The following AGBL1 variants were observed in gnomAD, a reference collection of about 807,000 sequenced individuals.
AGBL1 encodes the protein AGBL carboxypeptidase 1.
AGBL1 carries 130 observed loss-of-function variants against 118.9 expected under a neutral mutation model. That is an observed-to-expected ratio of 1.09 (90% confidence interval 0.95 to 1.26). AGBL1 has a LOEUF of 1.26. Ranked by LOEUF, AGBL1 falls within the 50% of genes most tolerant of loss-of-function variation. The pLI is 0.00. For missense variants in AGBL1, 1,584 were observed against 1,298.1 expected, an observed-to-expected ratio of 1.22 and a Z score of -3.38; for synonymous variants, 555 against 478.9, an observed-to-expected ratio of 1.16 and a Z score of -2.08.
intron 24 of AGBL1, among the ~76,000 whole-genome samples, chr15:87,011,016 T>A (rs2081554092): frequency 6.6e-6 from 1 of 152,268 alleles, no homozygotes; most frequent in African/African-American, 2.4e-5. Context: ...CATTTTTCTC[T>A]TCTTGTTAAG....
intron 24 of AGBL1, among the ~76,000 whole-genome samples, chr15:87,020,464 C>T (rs2081653473): frequency 6.6e-6 from 1 of 152,082 alleles, no homozygotes; most frequent in Non-Finnish European, 1.5e-5. Context: ...TCCTCTCTTA[C>T]CACTCCTATT....
chr15:86,645,867 C>T (rs1037775609), intron 21 of AGBL1, among the ~76,000 whole-genome samples: 2 of 152,100 alleles, frequency 1.3e-5, no homozygotes, highest in African/African-American at 4.8e-5. Flanking sequence ...GAATTCTGGG[C>T]CATGGAACAT....
At chr15:86,769,108 T>A (rs927051304) in intron 22 of AGBL1, among the ~76,000 whole-genome samples, 1 of 150,116 alleles carries the variant, frequency 6.7e-6, no homozygotes, top group South Asian at 2.1e-4. Context: ...GACCTGTACA[T>A]GCAATGGGAT....
chr15:86,450,275 A>T (rs576754113), intron 18 of AGBL1, among the ~76,000 whole-genome samples: 117 of 152,280 alleles, frequency 7.7e-4, no homozygotes, highest in African/African-American at 2.8e-3. Context: ...GGAGAGGTTT[A>T]TGTTTTTACT....
At chr15:86,755,100 C>T (rs541068163) in intron 22 of AGBL1, among the ~76,000 whole-genome samples, 341 of 152,122 alleles carry the variant, frequency 2.2e-3, no homozygotes, top group Admixed American at 2.9e-3. Flanking sequence ...GAAAATATTT[C>T]CACAATGTGA....
chr15:86,440,484 G>GAATCATAATAATAATAAT (rs1555486129), intron 18 of AGBL1, among the ~76,000 whole-genome samples: 3 of 144,504 alleles, frequency 2.1e-5, no homozygotes, highest in Non-Finnish European at 4.5e-5. Context: ...ATGGGATGGA[G>GAATCATAATAATAATAAT]AATAATAATA....
chr15:86,177,552 G>A (rs1011017244), intron 5 of AGBL1, among the ~76,000 whole-genome samples: 1 of 152,114 alleles, frequency 6.6e-6, no homozygotes, highest in African/African-American at 2.4e-5. Context: ...GAACCATAAA[G>A]CCAGTCACAA....
intron 1 of AGBL1, among the ~76,000 whole-genome samples, chr15:86,106,990 A>T (rs1163025041): frequency 1.3e-5 from 2 of 152,208 alleles, no homozygotes; most frequent in Non-Finnish European, 2.9e-5. Context: ...TTGTTGAACT[A>T]TATGAGTGAC....
In AGBL1 at chr15:86,701,638, TCCTCCCCTCC is replaced by T. The variant is rs373433979; in HGVS notation, c.3158+27212_3158+27221del. The stretch of plus-strand genomic sequence containing the variant: ...ATGGTAAAACATGTCTCCTCTCCTC[TCCTCCCCTCC>T]CCTCCCCTCTCCATTTTTTCCCTCC... On this transcript the variant is annotated intron_variant, in intron 22 of 22. Transcript: ENST00000614907. 5.5e-3 allele frequency among the ~76,000 whole-genome samples: 835 copies of T among 150,698 alleles called. 6 individuals are homozygous for T. Among genetic ancestry groups the T allele is most frequent in the African/African-American group, 0.019 (775 of 40,924 alleles).
intron 22 of AGBL1, among the ~76,000 whole-genome samples, chr15:86,728,829 G>A (rs12594812): frequency 0.012 from 1,849 of 152,062 alleles, 27 homozygotes; most frequent in East Asian, 0.068. Context: ...TAGATAAAAT[G>A]GGCCCATTCC....
intron 18 of AGBL1, among the ~76,000 whole-genome samples, chr15:86,398,971 C>T (rs879687281): frequency 2.0e-5 from 3 of 152,110 alleles, no homozygotes; most frequent in Non-Finnish European, 4.4e-5. Context: ...CTCCTCCCAG[C>T]TTAGCTGTTG....
intron 14 of AGBL1, among the ~76,000 whole-genome samples, chr15:86,270,396 C>CT (rs2079140637): frequency 1.3e-5 from 2 of 152,128 alleles, no homozygotes; most frequent in Admixed American, 6.6e-5. Flanking sequence ...CTTTGACCTG[C>CT]TTTTTTTCCT....
At chr15:86,723,059 C>G (rs1201014016) in intron 22 of AGBL1, among the ~76,000 whole-genome samples, 1 of 152,190 alleles carries the variant, frequency 6.6e-6, no homozygotes, top group East Asian at 1.9e-4. Flanking sequence ...GTTGGTGGGA[C>G]TGTAAACTAG....
chr15:86,711,476 C>T (rs146251757), intron 22 of AGBL1, among the ~76,000 whole-genome samples: 6 of 152,162 alleles, frequency 3.9e-5, no homozygotes, highest in African/African-American at 1.4e-4. Flanking sequence ...CATTTGTGTC[C>T]ATGCTTAGTC....
At chr15:86,650,289 T>C (rs1263063360) in intron 21 of AGBL1, among the ~76,000 whole-genome samples, 3 of 152,196 alleles carry the variant, frequency 2.0e-5, no homozygotes, top group Non-Finnish European at 4.4e-5. Context: ...GTGACCATCT[T>C]TGGCCAATCA....
chr15:86,809,136 T>C (rs1389744592), intron 22 of AGBL1, among the ~76,000 whole-genome samples: 1 of 152,176 alleles, frequency 6.6e-6, no homozygotes, highest in East Asian at 1.9e-4. Flanking sequence ...TTGCCTAAAG[T>C]CACCGGCTAG....
chr15:86,443,026 C>T (rs1249443623), intron 18 of AGBL1, among the ~76,000 whole-genome samples: 1 of 152,194 alleles, frequency 6.6e-6, no homozygotes, highest in Non-Finnish European at 1.5e-5. Context: ...ATCTCCTGTA[C>T]CAGCCTGTGC....
intron 23 of AGBL1, among the ~76,000 whole-genome samples, chr15:86,954,932 T>C (rs1296315596): frequency 6.6e-6 from 1 of 152,220 alleles, no homozygotes; most frequent in African/African-American, 2.4e-5. Flanking sequence ...ACATTAGTGG[T>C]TGCTTTAGAG....
intron 23 of AGBL1, among the ~76,000 whole-genome samples, chr15:86,921,731 CTG>C: frequency 1.3e-5 from 2 of 152,294 alleles, no homozygotes; most frequent in South Asian, 4.1e-4. Flanking sequence ...ATCAGACTGT[CTG>C]TGGCCAAGGC....
Sources: gnomAD v4.1 joint callset for allele counts (sites outside exome capture counted in the v4.1 genomes callset) on GRCh38, gnomAD v4.1.1 for gene constraint, MANE v1.5 for transcripts, NCBI Gene and HGNC (gene_info 2026-07-23, HGNC 2026-07-21) for gene names.